Variants in TSG101 observed in about 807,000 individuals in gnomAD.
TSG101 encodes tumor susceptibility 101.
In TSG101, 19 loss-of-function variants were observed where a neutral mutation model predicts 48.5. The observed-to-expected ratio is 0.39, with a 90% confidence interval of 0.27 to 0.58. The LOEUF is 0.58. Among genes scored for constraint, TSG101 ranks in the 20% least tolerant of loss-of-function variants. The pLI, the probability that TSG101 is intolerant of heterozygous loss-of-function variation, is 0.55. For synonymous variants in TSG101, 174 were observed against 169.4 expected (o/e 1.03, Z -0.21); for missense variants, 365 against 484.4 (o/e 0.75, Z 2.31).
intron 7 of TSG101, among the ~76,000 whole-genome samples, chr11:18,491,571 T>TC (rs1849702197): frequency 6.6e-6 from 1 of 152,244 alleles, no homozygotes; most frequent in Admixed American, 6.5e-5. Context: ...CACGTGTCTT[T>TC]CCTCAGCCTA....
chr11:18,523,589 G>A lies in TSG101; in HGVS notation c.42+3186C>T, dbSNP rs892253200. On this transcript the variant is annotated intron_variant, in intron 1 of 9. Transcript: ENST00000251968. ...GTGATCTCAGCTCACTGCAACCTCT[G>A]CCTCCCAGGTTCAGGCAATTCTCCT... Among the ~76,000 whole-genome samples, 3 of 152,124 alleles carry A rather than the reference G, an allele frequency of 2.0e-5. No homozygotes were observed. In the South Asian group the frequency reaches 6.2e-4, roughly 32 times the overall value.
intron 7 of TSG101, among the ~76,000 whole-genome samples, chr11:18,500,992 G>A (rs1849877670): frequency 6.6e-6 from 1 of 152,116 alleles, no homozygotes; most frequent in Non-Finnish European, 1.5e-5. Context: ...GTTTTTAGGA[G>A]AGACGGGGTT....
intron 2 of TSG101, among the ~76,000 whole-genome samples, chr11:18,517,591 T>C (rs56097703): frequency 0.16 from 24,800 of 152,200 alleles, 2,634 homozygotes; most frequent in East Asian, 0.41. Flanking sequence ...TACTGTAACT[T>C]TTCTACGGTT....
chr11:18,513,239 C>T (rs1242230913), intron 4 of TSG101, among the ~76,000 whole-genome samples: 1 of 151,956 alleles, frequency 6.6e-6, no homozygotes, highest in East Asian at 1.9e-4. Flanking sequence ...AGCATCTTAT[C>T]TTTGAAGCTC....
intron 7 of TSG101, among the ~76,000 whole-genome samples, chr11:18,501,503 C>T (rs775115121): frequency 2.0e-5 from 3 of 152,108 alleles, no homozygotes; most frequent in African/African-American, 4.8e-5. Flanking sequence ...CATGCTGTTT[C>T]GGTTACTATA....
At chr11:18,521,454 A>G (rs542398044) in intron 1 of TSG101, among the ~76,000 whole-genome samples, 1 of 139,854 alleles carries the variant, frequency 7.2e-6, no homozygotes, top group South Asian at 2.3e-4. Flanking sequence ...CTTCAGCCTC[A>G]ACCTCCTGGA....
intron 7 of TSG101, among the ~76,000 whole-genome samples, chr11:18,492,825 C>A (rs1314736488): frequency 6.7e-6 from 1 of 149,888 alleles, no homozygotes; most frequent in African/African-American, 2.4e-5. Context: ...AAAGAAAAAC[C>A]CAGAGTTTTT....
intron 7 of TSG101, among the ~76,000 whole-genome samples, chr11:18,499,105 G>T (rs1319531974): frequency 6.7e-6 from 1 of 150,000 alleles, no homozygotes; most frequent in African/African-American, 2.5e-5. Context: ...AGATAACAAA[G>T]AGAGTTACTT....
At chr11:18,505,838 G>T (rs1849962361) in intron 6 of TSG101, among the ~76,000 whole-genome samples, 1 of 152,244 alleles carries the variant, frequency 6.6e-6, no homozygotes, top group South Asian at 2.1e-4. Context: ...GTTTGTTTGA[G>T]AGAGAGTTTT....
chr11:18,503,158 C>A (rs1849915537), intron 6 of TSG101, among the ~76,000 whole-genome samples: 1 of 152,072 alleles, frequency 6.6e-6, no homozygotes, highest in African/African-American at 2.4e-5. Context: ...AATCACCTTT[C>A]CAACAATCTC....
intron 6 of TSG101, among the ~76,000 whole-genome samples, chr11:18,504,136 G>A (rs1849931101): frequency 6.6e-6 from 1 of 150,676 alleles, no homozygotes; most frequent in Non-Finnish European, 1.5e-5. Context: ...AGGAGGTCAA[G>A]GCTACAGTAG....
At chr11:18,523,546 A>C (rs958226621) in intron 1 of TSG101, among the ~76,000 whole-genome samples, 6 of 152,158 alleles carry the variant, frequency 3.9e-5, no homozygotes, top group African/African-American at 1.4e-4. Flanking sequence ...TTTGTCACCC[A>C]GGCTGGAGTG....
At chr11:18,486,828 T>C (rs377464243) in intron 7 of TSG101, among the ~76,000 whole-genome samples, 23 of 151,910 alleles carry the variant, frequency 1.5e-4, no homozygotes, top group African/African-American at 4.4e-4. Context: ...CATATGTTTA[T>C]TGCAGCACTG....
chr11:18,493,974 C>T (rs539804206), intron 7 of TSG101, among the ~76,000 whole-genome samples: 2 of 152,190 alleles, frequency 1.3e-5, no homozygotes, highest in South Asian at 2.1e-4. Context: ...CAGAAAAATG[C>T]GCTTTACTTG....
intron 7 of TSG101, chr11:18,490,365 G>A (rs779097175): frequency 6.6e-6 from 4 of 602,968 alleles, no homozygotes; most frequent in Admixed American, 2.0e-5. Flanking sequence ...ATCCAATTCA[G>A]TAATTGCTTC....
chr11:18,508,512 A>G (rs973330690), intron 5 of TSG101: 1 of 152,068 alleles, frequency 6.6e-6, no homozygotes, highest in Admixed American at 6.6e-5. Flanking sequence ...TTTCAAACTT[A>G]AGCAAGATAC....
chr11:18,505,754 G>A (rs1849960317), intron 6 of TSG101, among the ~76,000 whole-genome samples: 1 of 152,114 alleles, frequency 6.6e-6, no homozygotes, highest in Admixed American at 6.6e-5. Flanking sequence ...AATATCATGC[G>A]ACAAGTTTGA....
chr11:18,502,718 T>C lies in TSG101; in HGVS notation c.549-141A>G, dbSNP rs1849909310. The C allele has an allele frequency of 2.2e-5, 13 of 596,144 alleles. No homozygotes were observed. The East Asian group carries it at 4.0e-4, about 18-fold the overall frequency. The allele number at this position is 596,144 out of a possible 1,614,324, so 36.9% of individuals were successfully genotyped here. A position where few individuals can be genotyped will look rare whatever the true frequency, so the allele number is the denominator to read the frequency against. On this transcript the variant is annotated intron_variant, in intron 6 of 9. Coordinates refer to ENST00000251968, the MANE Select transcript of TSG101 (RefSeq NM_006292.4). ...TTTATAGTCTTGGAGCTGCAAGTGT[T>C]TATTCAAGTAAAGCTCTATGGAAAT...
intron 7 of TSG101, among the ~76,000 whole-genome samples, chr11:18,496,329 C>T (rs1243362045): frequency 6.6e-6 from 1 of 151,664 alleles, no homozygotes. Context: ...ATAGTCTCAG[C>T]TACTCAGGAT....
Sources: gnomAD v4.1 joint callset for allele counts (sites outside exome capture counted in the v4.1 genomes callset) on GRCh38, gnomAD v4.1.1 for gene constraint, MANE v1.5 for transcripts, NCBI Gene and HGNC (gene_info 2026-07-23, HGNC 2026-07-21) for gene names.